NF1: variants seen among roughly 807,000 people sequenced by gnomAD.
The protein encoded by NF1 is neurofibromin 1, also known as neurofibromin.
NF1 carries 122 observed loss-of-function variants against 325.7 expected under a neutral mutation model. That is an observed-to-expected ratio of 0.37 (90% CI 0.32 to 0.44). The LOEUF (loss-of-function observed/expected upper bound fraction) is 0.44. NF1 is among the 20% of genes least tolerant of loss of function. The pLI is 1.00. For synonymous variants in NF1, 1,091 were observed against 1,186.0 expected, an observed-to-expected ratio of 0.92 and a Z score of 1.65; for missense variants, 2,140 against 3,415.4, an observed-to-expected ratio of 0.63 and a Z score of 9.31.
intron 11 of NF1, 29 bp downstream of exon 11, chr17:31,201,514 TA>T: frequency 3.2e-6 from 5 of 1,547,692 alleles, no homozygotes; most frequent in South Asian, 1.2e-5. Flanking sequence ...GCTAAATTAC[TA>T]AAAAAATTTT....
At position 31,360,555 on chromosome 17, in the gene NF1, G is replaced by T. The variant is rs1060503917; in HGVS notation, c.8229G>T (p.Leu2743=). 3 of 1,614,048 alleles carry T rather than the reference G, an allele frequency of 1.9e-6. No homozygotes were observed. In the South Asian group the frequency reaches 3.3e-5, roughly 18 times the overall value. Residue 2743 remains leucine, a synonymous_variant, in exon 57 of 58, where the codon CTG becomes CTT. Coordinates refer to ENST00000358273, the MANE Select transcript of NF1 (RefSeq NM_001042492.3). ...TTGATGCCTTGATTGACACGTACCT[G>T]CCTGGAATTGATGAAGAAACCAGTG... ...KFLDALIDTY[L]PGIDEETSEE...
chr17:31,190,315 C>T (rs564471132), intron 8 of NF1, among the ~76,000 whole-genome samples: 35 of 152,056 alleles, frequency 2.3e-4, no homozygotes, highest in Non-Finnish European at 4.0e-4. Flanking sequence ...ACTCACATTC[C>T]TTCTGAGCTG....
intron 31 of NF1, among the ~76,000 whole-genome samples, chr17:31,257,467 G>A (rs1272307984): frequency 1.3e-5 from 2 of 152,266 alleles, no homozygotes; most frequent in Non-Finnish European, 2.9e-5. Context: ...GATGGGAGCT[G>A]AACCAGTTTT....
At chr17:31,254,925 T>C (rs2067556794) in intron 31 of NF1, among the ~76,000 whole-genome samples, 2 of 152,162 alleles carry the variant, frequency 1.3e-5, no homozygotes, top group South Asian at 4.1e-4. Context: ...AAATGTTGTT[T>C]TATGGAGTTG....
At chr17:31,135,870 C>T (rs905261343) in intron 1 of NF1, among the ~76,000 whole-genome samples, 1 of 152,066 alleles carries the variant, frequency 6.6e-6, no homozygotes. Flanking sequence ...AACCACCACC[C>T]CCAGCTCTGC....
At chr17:31,318,675 T>C (rs1359268670) in intron 36 of NF1, 1 of 1,614,014 alleles carries the variant, frequency 6.2e-7, no homozygotes, top group South Asian at 1.1e-5. Context: ...GACTTTTGCT[T>C]GTGTTTTCAA....
intron 1 of NF1, among the ~76,000 whole-genome samples, chr17:31,106,102 C>T (rs1377673272): frequency 6.6e-6 from 1 of 152,160 alleles, no homozygotes; most frequent in Non-Finnish European, 1.5e-5. Flanking sequence ...CATGAGAAAA[C>T]AACTTTTACC....
chr17:31,237,460 A>G (rs746147244), intron 29 of NF1, among the ~76,000 whole-genome samples: 15 of 152,096 alleles, frequency 9.9e-5, no homozygotes, highest in South Asian at 4.2e-4. Flanking sequence ...GTATTTTGGT[A>G]GAGACGAGGT....
rs786202864 is a variant in NF1, at chr17:31,156,013, C to T, written c.91C>T (p.His31Tyr). 2.5e-6 allele frequency: 4 copies of T among 1,612,868 alleles called. No homozygotes were observed. Among genetic ancestry groups the T allele is most frequent in the East Asian group, 4.5e-5 (2 of 44,750 alleles). ...AATAAAAACAGGACAGCAGAACACA[C>T]ATACCAAAGTCAGTACTGAGCACAA... ...LPIKTGQQNT[H>Y]TKVSTEHNKE... The change falls in exon 2 of 58, where the codon CAT (histidine) becomes TAT (tyrosine). Residue 31 changes from histidine to tyrosine, a missense_variant. By Grantham distance (83) the His-to-Tyr change is moderately conservative. Around this residue, in one of 10 missense-constraint regions of NF1, gnomAD observed 246 missense variants for 347.8 expected, o/e 0.71. Transcript: ENST00000358273.
chr17:31,206,409 C>T (rs2143916232), intron 12 of NF1, 38 bp downstream of exon 12: 1 of 1,612,270 alleles, frequency 6.2e-7, no homozygotes. Flanking sequence ...CACCTCCTTT[C>T]TATTGCATTT....
intron 57 of NF1, among the ~76,000 whole-genome samples, chr17:31,365,253 C>G (rs992440853): frequency 3.9e-5 from 5 of 128,540 alleles, no homozygotes; most frequent in African/African-American, 1.6e-4. Flanking sequence ...CCACTGCACT[C>G]CAGTCAGGGA....
chr17:31,182,365 C>A, intron 7 of NF1, 143 bp from the exon 8 acceptor site: 1 of 705,398 alleles, frequency 1.4e-6, no homozygotes, highest in Non-Finnish European at 2.4e-6. Flanking sequence ...TACCAGAATG[C>A]ATTTGTGTAG....
chr17:31,155,762 A>G (rs1317958018), intron 1 of NF1, among the ~76,000 whole-genome samples: 2 of 152,236 alleles, frequency 1.3e-5, no homozygotes, highest in African/African-American at 4.8e-5. Context: ...AAGATTTGCT[A>G]TAATAAATGC....
At chr17:31,340,037 G>T (rs2069776055) in intron 46 of NF1, among the ~76,000 whole-genome samples, 1 of 152,134 alleles carries the variant, frequency 6.6e-6, no homozygotes, top group Non-Finnish European at 1.5e-5. Flanking sequence ...AAAAGAGTTT[G>T]GAAATGTACA....
chr17:31,324,785 C>T (rs189336795), intron 36 of NF1, among the ~76,000 whole-genome samples: 1 of 152,316 alleles, frequency 6.6e-6, no homozygotes, highest in East Asian at 1.9e-4. Context: ...TGGTCTCGAA[C>T]TCCTGGCCTT....
intron 5 of NF1, among the ~76,000 whole-genome samples, chr17:31,177,814 T>G (rs941415972): frequency 5.3e-5 from 8 of 151,534 alleles, no homozygotes; most frequent in African/African-American, 1.9e-4. Flanking sequence ...AAGACAAGAT[T>G]AGAGAAAAAA....
rs864622331 is a variant in NF1 at position 31,095,302 on chromosome 17, G to A, written c.-8G>A. On this transcript the variant is annotated 5_prime_UTR_variant, in exon 1 of 58. Coordinates refer to ENST00000358273, the MANE Select transcript of NF1 (RefSeq NM_001042492.3). Reference sequence around the variant, plus strand: ...TTCCCTCCGCCGCCCCCCGGCCGCGGGGAGGACATGGCCGCGCACAGGCCG... The same window carrying A: ...TTCCCTCCGCCGCCCCCCGGCCGCGAGGAGGACATGGCCGCGCACAGGCCG... 2.0e-6 allele frequency: 3 copies of A among 1,536,966 alleles called. No homozygotes were observed. Among genetic ancestry groups the A allele is most frequent in the Non-Finnish European group, 2.6e-6 (3 of 1,146,108 alleles).
intron 1 of NF1, among the ~76,000 whole-genome samples, chr17:31,107,924 G>T (rs1913012011): frequency 6.6e-6 from 1 of 151,982 alleles, no homozygotes; most frequent in Non-Finnish European, 1.5e-5. Context: ...GATTGCTTGA[G>T]CCCAGGAGTT....
In NF1 at chr17:31,334,792, G is replaced by T. The variant is rs765270627; in HGVS notation, c.5813-46G>T. The stretch of plus-strand genomic sequence containing the variant: ...TTCTTTATGTTAAATAATTGTTGAT[G>T]TGATTTTCATTGACCATCACATGCT... On this transcript the variant is annotated intron_variant, in intron 39 of 57. Transcript: ENST00000358273. 4.2e-6 allele frequency: 6 copies of T among 1,427,200 alleles called. No homozygotes were observed. The South Asian group carries it at 6.9e-5, about 16-fold the overall frequency. The allele number at this position is 1,427,200 out of a possible 1,614,324, so 88.4% of individuals were successfully genotyped here. A position where few individuals can be genotyped will look rare whatever the true frequency, so the allele number is the denominator to read the frequency against.
Sources: gnomAD v4.1 joint callset for allele counts (sites outside exome capture counted in the v4.1 genomes callset) on GRCh38, gnomAD v4.1.1 for gene constraint, gnomAD v4.1.1 regional missense constraint, MANE v1.5 for transcripts, NCBI Gene and HGNC (gene_info 2026-07-23, HGNC 2026-07-21) for gene names.